FAM169A: variants seen among roughly 807,000 people sequenced by gnomAD.
FAM169A encodes soluble lamin-associated protein of 75 kDa.
A neutral mutation model predicts 75.7 loss-of-function variants in FAM169A; 24 were observed. The ratio of observed to expected loss-of-function variants is 0.32; its 90% CI spans 0.23 to 0.45. The LOEUF (loss-of-function observed/expected upper bound fraction) is 0.45, where lower values mean the gene tolerates loss of function less well. FAM169A is among the 20% of genes least tolerant of loss of function. The pLI is 1.00. For missense variants in FAM169A, 673 were observed against 784.0 expected (o/e 0.86, Z 1.69); for synonymous variants, 271 against 271.0 (o/e 1.00, Z 0.00).
chr5:74,783,169 A>T, intron 11 of FAM169A, 35 bp from the exon 12 acceptor site: 1 of 1,492,526 alleles, frequency 6.7e-7, no homozygotes, highest in African/African-American at 1.4e-5. Flanking sequence ...AAGTAAGGAC[A>T]TGATTACAAA....
chr5:74,782,067 C>G (rs1745440331), intron 12 of FAM169A, 59 bp from the exon 13 acceptor site: 8 of 1,344,906 alleles, frequency 5.9e-6, no homozygotes, highest in Non-Finnish European at 7.2e-6. Flanking sequence ...AAAATAAATT[C>G]TCAGGCTCTA....
intron 10 of FAM169A, chr5:74,799,121 T>C: frequency 1.0e-6 from 1 of 996,296 alleles, no homozygotes; most frequent in Non-Finnish European, 1.6e-6. Flanking sequence ...CGCCAGTGTG[T>C]GAAAGCTCAC....
chr5:74,793,201 T>C (rs1309665056), intron 11 of FAM169A, among the ~76,000 whole-genome samples: 1 of 151,968 alleles, frequency 6.6e-6, no homozygotes, highest in Non-Finnish European at 1.5e-5. Context: ...GGCATGTGCC[T>C]GTAATCCCAG....
chr5:74,796,989 CTG>C (rs1388507273), intron 10 of FAM169A, among the ~76,000 whole-genome samples: 1 of 152,184 alleles, frequency 6.6e-6, no homozygotes, highest in East Asian at 1.9e-4. Context: ...CCAGTTCTCT[CTG>C]GACCACTGTA....
chr5:74,820,636 A>C (rs999785708), intron 5 of FAM169A, among the ~76,000 whole-genome samples: 29 of 152,026 alleles, frequency 1.9e-4, no homozygotes, highest in Non-Finnish European at 3.1e-4. Flanking sequence ...GTCACCTCTC[A>C]CCAGGGCTTC....
intron 5 of FAM169A, among the ~76,000 whole-genome samples, chr5:74,820,101 T>C (rs1249881852): frequency 1.3e-5 from 2 of 150,828 alleles, no homozygotes; most frequent in East Asian, 1.9e-4. Context: ...TTCAAGCAAT[T>C]CTCATGCCTC....
At chr5:74,830,680 AT>A (rs928206936) in intron 5 of FAM169A, among the ~76,000 whole-genome samples, 8 of 151,642 alleles carry the variant, frequency 5.3e-5, no homozygotes, top group African/African-American at 1.4e-4. Flanking sequence ...TCACATATCT[AT>A]TTTTTTTTAA....
At chr5:74,831,879 T>C (rs1748328957) in intron 5 of FAM169A, among the ~76,000 whole-genome samples, 1 of 152,262 alleles carries the variant, frequency 6.6e-6, no homozygotes, top group Non-Finnish European at 1.5e-5. Flanking sequence ...ATCTCAAGAA[T>C]TAACCATGAC....
intron 5 of FAM169A, among the ~76,000 whole-genome samples, chr5:74,826,102 C>T (rs965256132): frequency 6.6e-6 from 1 of 152,074 alleles, no homozygotes; most frequent in South Asian, 2.1e-4. Flanking sequence ...TGTTTCTGCA[C>T]TCCTTTCTGA....
chr5:74,783,921 G>C (rs1406141361), intron 11 of FAM169A, among the ~76,000 whole-genome samples: 2 of 152,002 alleles, frequency 1.3e-5, no homozygotes, highest in African/African-American at 4.8e-5. Context: ...ACCCCTAAAA[G>C]CATATCAAGG....
intron 6 of FAM169A, among the ~76,000 whole-genome samples, chr5:74,812,589 C>CT (rs1358317576): frequency 6.6e-6 from 1 of 151,894 alleles, no homozygotes; most frequent in Non-Finnish European, 1.5e-5. Flanking sequence ...TTCTTTATTT[C>CT]TTTTTGTATG....
chr5:74,865,135 G>C (rs934416313), intron 1 of FAM169A, among the ~76,000 whole-genome samples: 2 of 152,212 alleles, frequency 1.3e-5, no homozygotes, highest in Admixed American at 1.3e-4. Context: ...TAAATGGCTT[G>C]GGTATAATCT....
At chr5:74,859,990 AATG>A (rs1394127718) in intron 1 of FAM169A, among the ~76,000 whole-genome samples, 2 of 152,232 alleles carry the variant, frequency 1.3e-5, no homozygotes, top group Non-Finnish European at 2.9e-5. Context: ...TTCCACTGAT[AATG>A]ATATTAGTAG....
intron 1 of FAM169A, among the ~76,000 whole-genome samples, chr5:74,864,435 G>A (rs1036694477): frequency 6.6e-6 from 1 of 152,118 alleles, no homozygotes; most frequent in East Asian, 1.9e-4. Context: ...TCACCATGTT[G>A]GCCAGGCTGG....
chr5:74,840,042 C>T lies in FAM169A; in HGVS notation c.232+32G>A, dbSNP rs749049036. 4 of 1,136,848 alleles carry T rather than the reference C, an allele frequency of 3.5e-6. No homozygotes were observed. The African/African-American group carries it at 4.8e-5, about 14-fold the overall frequency. 70.4% of individuals were successfully genotyped at this position (1,136,848 alleles called of 1,614,324 possible). A position where few individuals can be genotyped will look rare whatever the true frequency, so the allele number is the denominator to read the frequency against. Reference sequence around the variant, plus strand: ...ATTTCTAACAGTTTGGAGAAAAATTCCTTAATTTATAAAAATTAAGCAAAA... The same window carrying T: ...ATTTCTAACAGTTTGGAGAAAAATTTCTTAATTTATAAAAATTAAGCAAAA... On this transcript the variant is annotated intron_variant, in intron 3 of 12. Transcript: ENST00000687041.
At chr5:74,848,764 T>C (rs1368001340) in intron 1 of FAM169A, 1 of 152,238 alleles carries the variant, frequency 6.6e-6, no homozygotes, top group Non-Finnish European at 1.5e-5. Context: ...TTTAAGACTA[T>C]GTAAATTGCA....
chr5:74,855,398 A>C (rs1047176693), intron 1 of FAM169A, among the ~76,000 whole-genome samples: 5 of 152,130 alleles, frequency 3.3e-5, no homozygotes, highest in Non-Finnish European at 7.3e-5. Flanking sequence ...GGTTTTCACC[A>C]TGTTGCCCAG....
At chr5:74,824,224 T>A (rs1747903536) in intron 5 of FAM169A, among the ~76,000 whole-genome samples, 1 of 152,172 alleles carries the variant, frequency 6.6e-6, no homozygotes, top group South Asian at 2.1e-4. Flanking sequence ...GTCTTCAAAT[T>A]GGATCAAGGC....
intron 10 of FAM169A, among the ~76,000 whole-genome samples, chr5:74,798,672 G>T (rs1746404526): frequency 6.6e-6 from 1 of 152,220 alleles, no homozygotes. Flanking sequence ...TGGCAGAACT[G>T]TTAGGGCAGA....
Sources: allele counts gnomAD v4.1 joint callset (sites outside exome capture counted in the v4.1 genomes callset), GRCh38; gene constraint gnomAD v4.1.1; transcripts MANE v1.5; gene names NCBI Gene and HGNC (gene_info 2026-07-23, HGNC 2026-07-21).